Variants in BEST3 observed in about 807,000 individuals in gnomAD.
The protein encoded by BEST3 is bestrophin-3.
In BEST3, 50 loss-of-function variants were observed where a neutral mutation model predicts 47.1. The ratio of observed to expected loss-of-function variants is 1.06; its 90% CI spans 0.85 to 1.34. BEST3 has a LOEUF of 1.34. Ranked by LOEUF, BEST3 falls within the 40% of genes most tolerant of loss-of-function variation. The probability of loss-of-function intolerance (pLI) is 0.00; values close to 1 mark genes in which losing one functional copy is unlikely to be tolerated. For synonymous variants in BEST3, 282 were observed against 298.8 expected (o/e 0.94, Z 0.58); for missense variants, 765 against 817.0 (o/e 0.94, Z 0.78).
intron 9 of BEST3, among the ~76,000 whole-genome samples, chr12:69,667,341 C>A (rs1593152056): frequency 1.3e-5 from 2 of 152,178 alleles, no homozygotes; most frequent in East Asian, 3.9e-4. Flanking sequence ...GTCGCCCAGG[C>A]TGGAGTATAA....
At chr12:69,661,685 A>T (rs1437188354) in intron 9 of BEST3, among the ~76,000 whole-genome samples, 4 of 152,206 alleles carry the variant, frequency 2.6e-5, no homozygotes, top group Non-Finnish European at 4.4e-5. Flanking sequence ...GCTAAGGGTT[A>T]TGAGGAAAAT....
intron 9 of BEST3, among the ~76,000 whole-genome samples, chr12:69,664,209 T>C (rs995431147): frequency 6.6e-6 from 1 of 152,214 alleles, no homozygotes; most frequent in Non-Finnish European, 1.5e-5. Flanking sequence ...TGGTTTGGTG[T>C]TAAAGCTTAT....
chr12:69,645,987 A>G (rs1324448573), intron 9 of BEST3, among the ~76,000 whole-genome samples: 1 of 152,256 alleles, frequency 6.6e-6, no homozygotes, highest in East Asian at 1.9e-4. Flanking sequence ...CCCAGGCTGG[A>G]GTGCTGTGGC....
chr12:69,684,983 T>A (rs993664767), intron 4 of BEST3, among the ~76,000 whole-genome samples: 7 of 101,918 alleles, frequency 6.9e-5, no homozygotes. Flanking sequence ...TTTCTGCTGT[T>A]CTATTCTATT....
At chr12:69,689,558 T>C (rs1885830436) in intron 4 of BEST3, among the ~76,000 whole-genome samples, 1 of 152,182 alleles carries the variant, frequency 6.6e-6, no homozygotes, top group Non-Finnish European at 1.5e-5. Context: ...GGACAAGATG[T>C]ACCTACTACC....
chr12:69,684,309 G>T, intron 4 of BEST3: 1 of 397,092 alleles, frequency 2.5e-6, no homozygotes, highest in Non-Finnish European at 4.5e-6. Context: ...TCTCAATATA[G>T]ATACATGTTT....
chr12:69,654,864 G>A lies in BEST3; in HGVS notation c.*43C>T. The A allele has an allele frequency of 6.4e-7, 1 of 1,567,470 alleles. No homozygotes were observed. On this transcript the variant is annotated 3_prime_UTR_variant, in exon 10 of 10. Transcript: ENST00000330891. ...GGCCTAATATGCTGCTTTTGGGGAG[G>A]TAAGAATCTAGGCTAGAACCAGGTC...
chr12:69,693,775 G>C lies in BEST3; in HGVS notation c.380C>G (p.Thr127Arg). Residue 127 changes from threonine (T) to arginine (R), a missense_variant, in exon 4 of 10, where the codon ACG becomes AGG. By Grantham distance (71) the Thr-to-Arg change is moderately conservative. Coordinates refer to ENST00000330891, the MANE Select transcript of BEST3 (RefSeq NM_032735.3). ...GGTGAGATTGACGTAGCGCATCAGCGTCCTTCTAAGCAGGCGCCCGTGCTC... is the reference window on the plus strand; with the variant it reads ...GGTGAGATTGACGTAGCGCATCAGCCTCCTTCTAAGCAGGCGCCCGTGCTC... The part of the protein sequence containing the change: ...SDEHGRLLRR[T>R]LMRYVNLTSL... 1 of 1,614,172 alleles carries C rather than the reference G, an allele frequency of 6.2e-7. No homozygotes were observed. Among genetic ancestry groups the C allele is most frequent in the Non-Finnish European group, 8.5e-7 (1 of 1,180,026 alleles).
At chr12:69,655,932 G>T in intron 9 of BEST3, 119 bp from the exon 10 acceptor site, 2 of 1,424,858 alleles carry the variant, frequency 1.4e-6, no homozygotes, top group Non-Finnish European at 1.8e-6. Flanking sequence ...TTTAAATGGG[G>T]GTTTGAGGAC....
chr12:69,685,006 A>G (rs1332812415), intron 4 of BEST3, among the ~76,000 whole-genome samples: 3 of 151,176 alleles, frequency 2.0e-5, no homozygotes, highest in African/African-American at 4.9e-5. Context: ...ATTCTATTCT[A>G]TTCTATTCTA....
At chr12:69,660,207 G>A (rs1883789142) in intron 9 of BEST3, 1 of 152,180 alleles carries the variant, frequency 6.6e-6, no homozygotes, top group Non-Finnish European at 1.5e-5. Flanking sequence ...GGTGACCTGT[G>A]TAGAAAAGCT....
intron 2 of BEST3, among the ~76,000 whole-genome samples, chr12:69,697,159 G>A (rs931805588): frequency 1.3e-5 from 2 of 152,096 alleles, no homozygotes; most frequent in Non-Finnish European, 2.9e-5. Context: ...AGTGTGGCAG[G>A]CATCATCCTG....
intron 9 of BEST3, among the ~76,000 whole-genome samples, chr12:69,657,934 G>A (rs1565822677): frequency 6.6e-6 from 1 of 152,096 alleles, no homozygotes; most frequent in Non-Finnish European, 1.5e-5. Context: ...CTATTACATC[G>A]ACTTGAGAAA....
intron 1 of BEST3, among the ~76,000 whole-genome samples, chr12:69,698,883 G>C (rs755556873): frequency 1.3e-5 from 2 of 152,178 alleles, no homozygotes; most frequent in Non-Finnish European, 2.9e-5. Context: ...TTTTAATAAA[G>C]AAGGTAGGGC....
chr12:69,681,366 C>G (rs565553748), intron 4 of BEST3, among the ~76,000 whole-genome samples: 11 of 152,062 alleles, frequency 7.2e-5, no homozygotes, highest in Non-Finnish European at 1.6e-4. Context: ...CCTATAATCC[C>G]AGCACTTTGG....
intron 1 of BEST3, among the ~76,000 whole-genome samples, chr12:69,698,174 T>A (rs1468762476): frequency 6.6e-6 from 1 of 152,224 alleles, no homozygotes; most frequent in Non-Finnish European, 1.5e-5. Flanking sequence ...TTTGATTGCA[T>A]GTAGATGTCT....
chr12:69,691,479 CAG>C (rs1885920755), intron 4 of BEST3, among the ~76,000 whole-genome samples: 1 of 152,072 alleles, frequency 6.6e-6, no homozygotes, highest in African/African-American at 2.4e-5. Context: ...CCAACTAAAA[CAG>C]AGTCAAGAAG....
downstream of BEST3, among the ~76,000 whole-genome samples, chr12:69,648,615 G>T (rs4761252): frequency 0.42 from 64,094 of 151,944 alleles, 15,420 homozygotes; most frequent in Middle Eastern, 0.59. Flanking sequence ...GAGGATGGGA[G>T]GGACAGAACT....
Position 69,655,471 on chromosome 12 carries a change from T to C in BEST3, c.1443A>G (p.Leu481=). Residue 481 remains leucine (L), a synonymous_variant, in exon 10 of 10, where the codon TTA becomes TTG. Coordinates refer to ENST00000330891, the MANE Select transcript of BEST3 (RefSeq NM_032735.3). ...TIRETSQTST[L]QSLTPQSSVR... ...CACTGGACTGTGGGGTCAGGCTCTGTAAAGTGCTTGTCTGGCTGGTCTCCC... is the reference window on the plus strand; with the variant it reads ...CACTGGACTGTGGGGTCAGGCTCTGCAAAGTGCTTGTCTGGCTGGTCTCCC... 6.2e-7 allele frequency: 1 copy of C among 1,614,134 alleles called. No homozygotes were observed. The highest frequency in any genetic ancestry group is 8.5e-7 in the Non-Finnish European group (1 of 1,180,008).
Sources: gnomAD v4.1 joint callset for allele counts (sites outside exome capture counted in the v4.1 genomes callset) on GRCh38, gnomAD v4.1.1 for gene constraint, MANE v1.5 for transcripts, NCBI Gene and HGNC (gene_info 2026-07-23, HGNC 2026-07-21) for gene names.